The following ADNP2 variants were observed in gnomAD, a reference collection of about 807,000 sequenced individuals.
ADNP2 encodes activity-dependent neuroprotector homeobox protein 2.
ADNP2 carries 8 observed loss-of-function variants against 16.4 expected under a neutral mutation model. The ratio of observed to expected loss-of-function variants is 0.49; its 90% CI spans 0.29 to 0.88. ADNP2 has a LOEUF of 0.88. Among genes scored for constraint, ADNP2 ranks in the 40% least tolerant of loss-of-function variants. The pLI is 0.09. For synonymous variants in ADNP2, 637 were observed against 545.8 expected, an observed-to-expected ratio of 1.17 and a Z score of -2.33; for missense variants, 1,397 against 1,395.1, an observed-to-expected ratio of 1.00 and a Z score of -0.02.
At chr18:80,127,445 C>T in intron 2 of ADNP2, among the ~76,000 whole-genome samples, 1 of 146,490 alleles carries the variant, frequency 6.8e-6, no homozygotes, top group South Asian at 2.2e-4. Flanking sequence ...CTAATCTGCT[C>T]TTAATCCCAT....
chr18:80,118,210 A>AAAAT (rs1213599353), intron 2 of ADNP2, among the ~76,000 whole-genome samples: 1 of 152,170 alleles, frequency 6.6e-6, no homozygotes, highest in Non-Finnish European at 1.5e-5. Flanking sequence ...GGATCATTTG[A>AAAAT]GGTCAGGAGT....
intron 2 of ADNP2, among the ~76,000 whole-genome samples, chr18:80,120,954 ATTTG>A (rs935590350): frequency 6.6e-6 from 1 of 152,144 alleles, no homozygotes; most frequent in East Asian, 1.9e-4. Context: ...GTGCACAAGT[ATTTG>A]TTTGAGTCCC....
intron 2 of ADNP2, among the ~76,000 whole-genome samples, chr18:80,124,725 A>T (rs1271487691): frequency 6.6e-6 from 1 of 152,162 alleles, no homozygotes; most frequent in Non-Finnish European, 1.5e-5. Context: ...TGCCTTGGTG[A>T]TAAGCCCCCA....
Position 80,136,490 on chromosome 18 carries a change from CG to C in ADNP2, c.1081del (p.Val361PhefsTer7), listed in dbSNP as rs762897683. ...PAPQPVFLSHGVPLHQSVNPP... is the reference protein window; with the variant it reads ...PAPQPVFLSHXVPLHQSVNPP... ...CACCTCAGCCCGTCTTTCTTTCTCACGGGGTTCCACTTCATCAGTCTGTGAA... is the reference window on the plus strand; with the variant it reads ...CACCTCAGCCCGTCTTTCTTTCTCACGGGTTCCACTTCATCAGTCTGTGAA... On this transcript the variant is annotated frameshift_variant, in exon 4 of 4. Coordinates refer to ENST00000262198, the MANE Select transcript of ADNP2 (RefSeq NM_014913.4). LOFTEE classifies it low-confidence loss of function (END_TRUNC). 1 of 1,614,186 alleles carries C rather than the reference CG, an allele frequency of 6.2e-7. No homozygotes were observed. Among genetic ancestry groups the C allele is most frequent in the Admixed American group, 1.7e-5 (1 of 60,028 alleles).
At chr18:80,129,110 T>TA (rs1555729824) in intron 2 of ADNP2, among the ~76,000 whole-genome samples, 2 of 149,696 alleles carry the variant, frequency 1.3e-5, no homozygotes, top group African/African-American at 2.5e-5. Context: ...TTTTTGTTTT[T>TA]TTTTTTTTTT....
Position 80,136,534 on chromosome 18 carries a change from T to C in ADNP2, c.1121T>C (p.Leu374Ser). ...HQSVNPPVLP[L>S]SQPVGPVNKS... ...TCTGTGAATCCTCCTGTGTTGCCCT[T>C]GAGTCAGCCAGTCGGACCTGTCAAT... The change falls in exon 4 of 4, where the codon TTG (leucine) becomes TCG (serine). Residue 374 changes from leucine to serine, a missense_variant. By Grantham distance (145) the Leu-to-Ser change is moderately radical. Coordinates refer to ENST00000262198, the MANE Select transcript of ADNP2 (RefSeq NM_014913.4). 2 of 1,614,252 alleles carry C rather than the reference T, an allele frequency of 1.2e-6. No individual in the cohort carries two copies. Among genetic ancestry groups the C allele is most frequent in the Non-Finnish European group, 1.7e-6 (2 of 1,180,052 alleles).
intron 2 of ADNP2, among the ~76,000 whole-genome samples, chr18:80,125,722 G>T (rs537527969): frequency 2.6e-5 from 4 of 151,940 alleles, no homozygotes; most frequent in Non-Finnish European, 5.9e-5. Context: ...GAGGTGGGAG[G>T]ATCCCTTGAG....
rs8097300 is a variant in ADNP2, at chr18:80,132,478, A to T, written c.109-625A>T. Among the ~76,000 whole-genome samples, 364 of 152,298 alleles carry T rather than the reference A, an allele frequency of 2.4e-3. 1 individual carries two copies. Among genetic ancestry groups the T allele is most frequent in the African/African-American group, 8.1e-3 (335 of 41,548 alleles). On this transcript the variant is annotated intron_variant, in intron 2 of 3. Coordinates refer to ENST00000262198, the MANE Select transcript of ADNP2 (RefSeq NM_014913.4). Reference sequence around the variant, plus strand: ...TTTGGTGCCTCCAGGTGGTTCTGGAACCAGTCCCCTATGGATACCGAGGGA... The same window carrying T: ...TTTGGTGCCTCCAGGTGGTTCTGGATCCAGTCCCCTATGGATACCGAGGGA...
intron 2 of ADNP2, among the ~76,000 whole-genome samples, chr18:80,127,454 A>T (rs2052467623): frequency 6.8e-6 from 1 of 147,690 alleles, no homozygotes; most frequent in Non-Finnish European, 1.5e-5. Flanking sequence ...TCTTAATCCC[A>T]TGCAGTATAT....
rs772097537 is a variant in ADNP2 at position 80,138,219 on chromosome 18, G to A, written c.2806G>A (p.Val936Met). 37 of 1,614,016 alleles carry A rather than the reference G, an allele frequency of 2.3e-5. No individual in the cohort carries two copies. The highest frequency in any genetic ancestry group is 3.1e-5 in the Non-Finnish European group (37 of 1,180,050). ...CCTGGCTGCCATCGCCGTCCATTTGGTGCGCTGCAGAAGTGCTCCCAAGGA... is the reference window on the plus strand; with the variant it reads ...CCTGGCTGCCATCGCCGTCCATTTGATGCGCTGCAGAAGTGCTCCCAAGGA... ...MTLAAIAVHL[V>M]RCRSAPKDSS... The change falls in exon 4 of 4, where the codon GTG becomes ATG. Residue 936 changes from valine (V) to methionine (M), a missense_variant. Physicochemically the swap from Val to Met is conservative, Grantham distance 21. Around this residue, in one of 3 missense-constraint regions of ADNP2, gnomAD observed 611 missense variants for 648.7 expected, o/e 0.94. Coordinates refer to ENST00000262198, the MANE Select transcript of ADNP2 (RefSeq NM_014913.4).
intron 3 of ADNP2, 117 bp downstream of exon 3, chr18:80,133,309 AT>A (rs2052510583): frequency 1.2e-6 from 1 of 804,538 alleles, no homozygotes; most frequent in Non-Finnish European, 2.1e-6. Flanking sequence ...GGGAGGAGGA[AT>A]AATGCAACCT....
intron 2 of ADNP2, among the ~76,000 whole-genome samples, chr18:80,132,074 C>G (rs1358753855): frequency 6.6e-6 from 1 of 152,092 alleles, no homozygotes. Flanking sequence ...AGAATCCTTA[C>G]GTTTAGGCTT....
chr18:80,137,342 C>G lies in ADNP2; in HGVS notation c.1929C>G (p.Leu643=), dbSNP rs1375757551. The G allele has an allele frequency of 6.2e-7, 1 of 1,614,012 alleles. No individual in the cohort carries two copies. The highest frequency in any genetic ancestry group is 1.1e-5 in the South Asian group (1 of 91,086). Residue 643 remains leucine (L), a synonymous_variant, in exon 4 of 4, where the codon CTC becomes CTG. Coordinates refer to ENST00000262198, the MANE Select transcript of ADNP2 (RefSeq NM_014913.4). This position sits in a 1 kb window ranked among gnomAD's most constrained non-coding sequence, Gnocchi z 4.2. The stretch of plus-strand genomic sequence containing the variant: ...CTCCGCCCCAGATGCCCATCCAGCT[C>G]CTGCCGTCAGGTGCAGCTGCACCAA... ...TVAPPQMPIQ[L]LPSGAAAPMA...
intron 2 of ADNP2, among the ~76,000 whole-genome samples, chr18:80,125,952 CTG>C (rs2052455913): frequency 6.6e-6 from 1 of 152,142 alleles, no homozygotes; most frequent in Non-Finnish European, 1.5e-5. Context: ...AAAGCCTAAA[CTG>C]TTTATTAACC....
chr18:80,134,367 A>G (rs907955911), intron 3 of ADNP2, among the ~76,000 whole-genome samples: 3 of 151,016 alleles, frequency 2.0e-5, no homozygotes, highest in Admixed American at 6.6e-5. Flanking sequence ...AAAAAAAACA[A>G]AAAACTGAAG....
In ADNP2 at chr18:80,138,782, T is replaced by C. The variant is rs2052561526; in HGVS notation, c.3369T>C (p.His1123=). The change falls in exon 4 of 4, where the codon CAT becomes CAC. Residue 1123 remains histidine, a synonymous_variant. Coordinates refer to ENST00000262198, the MANE Select transcript of ADNP2 (RefSeq NM_014913.4). ...FDMSELKNVK[H]RLNFEYEP is the part of the protein sequence containing the mutation. ...TGTCTGAACTTAAAAATGTGAAACA[T>C]AGATTGAACTTTGAATATGAACCAT... The C allele has an allele frequency of 3.2e-6, 5 of 1,548,430 alleles. No homozygotes were observed. Among genetic ancestry groups the C allele is most frequent in the Non-Finnish European group, 4.3e-6 (5 of 1,155,228 alleles).
intron 1 of ADNP2, among the ~76,000 whole-genome samples, chr18:80,116,143 C>T (rs2052387979): frequency 6.6e-6 from 1 of 152,198 alleles, no homozygotes; most frequent in South Asian, 2.1e-4. Flanking sequence ...GTCCTTGTGT[C>T]TGGCTTCTTT....
chr18:80,135,022 G>A (rs973400942), intron 3 of ADNP2, among the ~76,000 whole-genome samples: 1 of 152,154 alleles, frequency 6.6e-6, no homozygotes, highest in Non-Finnish European at 1.5e-5. Flanking sequence ...GGAATTAAGA[G>A]AAATGGGATG....
chr18:80,124,491 A>G (rs1393030651), intron 2 of ADNP2, among the ~76,000 whole-genome samples: 1 of 152,238 alleles, frequency 6.6e-6, no homozygotes, highest in Non-Finnish European at 1.5e-5. Context: ...AAAGAGATAC[A>G]TAGGGCAAGG....
Sources: gnomAD v4.1 joint callset for allele counts (sites outside exome capture counted in the v4.1 genomes callset) on GRCh38, gnomAD v4.1.1 for gene constraint, gnomAD v4.1.1 regional missense constraint, Gnocchi (gnomAD v3.1) non-coding constraint, MANE v1.5 for transcripts, NCBI Gene and HGNC (gene_info 2026-07-23, HGNC 2026-07-21) for gene names.